DGKK: variants seen among roughly 807,000 people sequenced by gnomAD.
The protein encoded by DGKK is diacylglycerol kinase kappa.
Under a neutral mutation model 92.2 loss-of-function variants are expected in DGKK, and 35 were observed. That is an observed-to-expected ratio of 0.38 (90% confidence interval 0.29 to 0.50). DGKK has a LOEUF of 0.50. Ranked by LOEUF, DGKK falls within the 20% of genes least tolerant of loss-of-function variation. The pLI is 0.92. For synonymous variants in DGKK, 368 were observed against 360.6 expected, an observed-to-expected ratio of 1.02 and a Z score of -0.23; for missense variants, 910 against 992.2, an observed-to-expected ratio of 0.92 and a Z score of 1.11.
chrX:50,380,727 G>A (rs782110973), intron 18 of DGKK, among the ~76,000 whole-genome samples: 1 of 110,893 alleles, frequency 9.0e-6, no homozygotes, highest in Admixed American at 9.6e-5. Context: ...GAAATAGGTG[G>A]GGCACTTACG....
intron 12 of DGKK, among the ~76,000 whole-genome samples, chrX:50,390,097 C>T (rs1294131210): frequency 8.9e-6 from 1 of 112,389 alleles, no homozygotes; most frequent in African/African-American, 3.2e-5. Flanking sequence ...TAATATCTCA[C>T]ATAAAGTAGT....
chrX:50,408,435 G>A (rs782548585), intron 4 of DGKK, among the ~76,000 whole-genome samples: 18 of 111,994 alleles, frequency 1.6e-4, no homozygotes, highest in Admixed American at 1.5e-3. Context: ...CTGGAGTGCA[G>A]TGGCGCGATC....
rs193076956 is a variant in DGKK at position 50,409,108 on chromosome X, T to C, written c.943-4924A>G. Reference sequence around the variant, plus strand: ...TTTAAGATGAGATCATACTATATTATGGTGGGCCTCAATCCAATGACTGCT... The same window carrying C: ...TTTAAGATGAGATCATACTATATTACGGTGGGCCTCAATCCAATGACTGCT... On this transcript the variant is annotated intron_variant, in intron 4 of 27. Coordinates refer to ENST00000611977, the MANE Select transcript of DGKK (RefSeq NM_001013742.4). 3.7e-4 allele frequency among the ~76,000 whole-genome samples: 41 copies of C among 111,422 alleles called. No individual in the cohort carries two copies. In the East Asian group the frequency reaches 0.011, roughly 30 times the overall value.
chrX:50,452,657 A>G (rs782022589), intron 1 of DGKK, among the ~76,000 whole-genome samples: 10 of 112,281 alleles, frequency 8.9e-5, no homozygotes, highest in African/African-American at 3.2e-4. Context: ...TTTTTAGTGA[A>G]TGAATTCCAC....
At chrX:50,384,877 G>T in intron 15 of DGKK, 53 bp from the exon 16 acceptor site, 1 of 902,907 alleles carries the variant, frequency 1.1e-6, no homozygotes, top group Non-Finnish European at 1.6e-6. Context: ...GGAAGGGAGG[G>T]AGGAAGAAAG....
At position 50,470,420 on chromosome X, in the gene DGKK, T is replaced by C; in HGVS notation, c.259A>G (p.Thr87Ala). 1 of 1,207,650 alleles carries C rather than the reference T, an allele frequency of 8.3e-7. No individual in the cohort carries two copies. The highest frequency in any genetic ancestry group is 1.8e-5 in the South Asian group (1 of 56,936). ...LYTEPTPEPA[T>A]EPASEPAPEP... ...GGGGCCGGTTCTGAGGCCGGCTCTG[T>C]GGCTGGTTCTGGGGTCGGTTCTGTG... The change falls in exon 1 of 28, where the codon ACA (threonine) becomes GCA (alanine). Residue 87 changes from threonine to alanine, a missense_variant. Coordinates refer to ENST00000611977, the MANE Select transcript of DGKK (RefSeq NM_001013742.4).
intron 1 of DGKK, among the ~76,000 whole-genome samples, chrX:50,458,601 T>G (rs782418431): frequency 9.1e-6 from 1 of 110,200 alleles, no homozygotes; most frequent in East Asian, 2.8e-4. Context: ...GAAAGCTGGA[T>G]AGTTTTTAAT....
chrX:50,394,310 T>C (rs781841257), intron 8 of DGKK, among the ~76,000 whole-genome samples: 12 of 111,776 alleles, frequency 1.1e-4, no homozygotes, highest in Admixed American at 5.7e-4. Context: ...GGAAATCTAC[T>C]TGAGCAGATT....
At chrX:50,468,726 C>A (rs1404900279) in intron 1 of DGKK, among the ~76,000 whole-genome samples, 6 of 111,098 alleles carry the variant, frequency 5.4e-5, no homozygotes, top group Admixed American at 9.5e-5. Context: ...TGATGCCAAT[C>A]TGCCCCCTCC....
chrX:50,393,014 G>A, intron 9 of DGKK, 138 bp downstream of exon 9: 1 of 514,350 alleles, frequency 1.9e-6, no homozygotes, highest in East Asian at 3.7e-5. Context: ...GGAGTTATGT[G>A]CTTGTGTCCT....
At chrX:50,403,657 C>T (rs1188195044) in intron 5 of DGKK, 60 bp from the exon 6 acceptor site, 9 of 973,989 alleles carry the variant, frequency 9.2e-6, no homozygotes, top group Non-Finnish European at 1.2e-5. Flanking sequence ...GATTCTAATT[C>T]TCTTCCCAAA....
chrX:50,427,691 T>C (rs1925782040), intron 1 of DGKK, among the ~76,000 whole-genome samples: 2 of 108,256 alleles, frequency 1.8e-5, no homozygotes, highest in South Asian at 8.2e-4. Context: ...AGGGGGTATA[T>C]GGGTACATTC....
chrX:50,407,206 T>C (rs782753012), intron 4 of DGKK, among the ~76,000 whole-genome samples: 1 of 112,043 alleles, frequency 8.9e-6, no homozygotes, highest in Non-Finnish European at 1.9e-5. Context: ...AAGAGGTGCA[T>C]CTTGGTTTCT....
At chrX:50,450,010 T>G (rs1001356146) in intron 1 of DGKK, among the ~76,000 whole-genome samples, 1 of 112,080 alleles carries the variant, frequency 8.9e-6, no homozygotes, top group Non-Finnish European at 1.9e-5. Flanking sequence ...TGACTAGTCA[T>G]GTATACACAT....
chrX:50,466,017 C>CTTTTTTTTTTTTTTTTTTTTTTTTTTTTT (rs72090197), intron 1 of DGKK, among the ~76,000 whole-genome samples: 4 of 42,793 alleles, frequency 9.3e-5, no homozygotes, highest in African/African-American at 9.7e-5. Flanking sequence ...TTTCTTTTTT[C>CTTTTTTTTTTTTTTTTTTTTTTTTTTTTT]TTTTTTTTTT....
Position 50,368,109 on chromosome X carries a change from C to A in DGKK, c.*831G>T, listed in dbSNP as rs1924017285. The A allele has an allele frequency of 9.1e-6, 1 of 110,330 alleles. No homozygotes were observed. The highest frequency in any genetic ancestry group is 3.3e-5 in the African/African-American group (1 of 30,259). The allele number at this position is 110,330 out of a possible 1,213,427, so 9.1% of individuals were successfully genotyped here. Reference sequence around the variant, plus strand: ...ACATCTTTATGTCTCTATACATAATCTATACTGCAGCACAGCGGCAAAACA... The same window carrying A: ...ACATCTTTATGTCTCTATACATAATATATACTGCAGCACAGCGGCAAAACA... On this transcript the variant is annotated 3_prime_UTR_variant, in exon 28 of 28. Coordinates refer to ENST00000611977, the MANE Select transcript of DGKK (RefSeq NM_001013742.4).
chrX:50,456,007 C>G (rs1182552943), intron 1 of DGKK, among the ~76,000 whole-genome samples: 5 of 112,025 alleles, frequency 4.5e-5, no homozygotes, highest in Non-Finnish European at 7.5e-5. Flanking sequence ...AGACATGACA[C>G]CCTCATATAG....
At chrX:50,398,118 T>C (rs1409920682) in intron 8 of DGKK, among the ~76,000 whole-genome samples, 1 of 111,415 alleles carries the variant, frequency 9.0e-6, no homozygotes, top group Non-Finnish European at 1.9e-5. Context: ...CGTGAACAGA[T>C]GGGTGTGACT....
Position 50,403,500 on chromosome X carries a change from T to G in DGKK, c.1176A>C (p.Ala392=). ...LSITDDLLLP[A]DEVNMPHQWV... ...CATGGCTAGTACTTACTACTTCATC[T>G]GCAGGCAGAAGGAGGTCATCAGTGA... Residue 392 remains alanine, a synonymous_variant, in exon 6 of 28, where the codon GCA becomes GCC. Transcript: ENST00000611977. 8.3e-7 allele frequency: 1 copy of G among 1,209,591 alleles called. No homozygotes were observed. The highest frequency in any genetic ancestry group is 1.1e-6 in the Non-Finnish European group (1 of 893,542).
Sources: gnomAD v4.1 joint callset for allele counts (sites outside exome capture counted in the v4.1 genomes callset) on GRCh38, gnomAD v4.1.1 for gene constraint, MANE v1.5 for transcripts, NCBI Gene and HGNC (gene_info 2026-07-23, HGNC 2026-07-21) for gene names.